Variants in ETV6 observed in about 807,000 individuals in gnomAD.
ETV6 encodes transcription factor ETV6.
A neutral mutation model predicts 51.1 loss-of-function variants in ETV6; 16 were observed. The ratio of observed to expected loss-of-function variants is 0.31; its 90% CI spans 0.21 to 0.48. ETV6 has a LOEUF of 0.48. ETV6 is among the 20% of genes least tolerant of loss of function. ETV6 has a pLI of 0.99. For missense variants in ETV6, 458 were observed against 594.8 expected (o/e 0.77, Z 2.39); for synonymous variants, 240 against 224.1 (o/e 1.07, Z -0.64).
chr12:11,716,943 A>C (rs890181985), intron 1 of ETV6, among the ~76,000 whole-genome samples: 2 of 152,186 alleles, frequency 1.3e-5, no homozygotes, highest in South Asian at 4.1e-4. Flanking sequence ...TCTTAGATCT[A>C]AAATCATTAG....
intron 7 of ETV6, among the ~76,000 whole-genome samples, chr12:11,889,673 C>T (rs548064369): frequency 9.2e-4 from 140 of 152,188 alleles, no homozygotes; most frequent in Non-Finnish European, 1.7e-3. Flanking sequence ...TATACAAGAG[C>T]CAAGACCGCT....
At position 11,879,066 on chromosome 12, in the gene ETV6, G is replaced by A. The variant is rs371191202; in HGVS notation, c.1010-5379G>A. On this transcript the variant is annotated intron_variant, in intron 5 of 7. Transcript: ENST00000396373. Reference sequence around the variant, plus strand: ...GATATTGCCACATGCCCCCAGTTCAGAACCATATTTGTAAAGCTTAGTAGC... The same window carrying A: ...GATATTGCCACATGCCCCCAGTTCAAAACCATATTTGTAAAGCTTAGTAGC... 6.6e-5 allele frequency among the ~76,000 whole-genome samples: 10 copies of A among 152,154 alleles called. No individual in the cohort carries two copies. In the East Asian group the frequency reaches 1.4e-3, roughly 21 times the overall value.
chr12:11,717,376 A>C (rs1865297261), intron 1 of ETV6, among the ~76,000 whole-genome samples: 1 of 152,192 alleles, frequency 6.6e-6, no homozygotes, highest in African/African-American at 2.4e-5. Flanking sequence ...CTTCCTGCTG[A>C]TTTCATGGTT....
chr12:11,704,766 C>T (rs1245705614), intron 1 of ETV6, among the ~76,000 whole-genome samples: 1 of 151,462 alleles, frequency 6.6e-6, no homozygotes, highest in African/African-American at 2.4e-5. Context: ...CAACCATTCT[C>T]ACAGGGGTTT....
At chr12:11,857,529 G>A (rs1946650054) in intron 4 of ETV6, among the ~76,000 whole-genome samples, 2 of 152,166 alleles carry the variant, frequency 1.3e-5, no homozygotes, top group South Asian at 4.1e-4. Context: ...TATGGGAAGG[G>A]AGGGTGATTT....
intron 1 of ETV6, among the ~76,000 whole-genome samples, chr12:11,718,075 TA>T (rs1277893852): frequency 1.3e-5 from 2 of 151,834 alleles, no homozygotes; most frequent in Non-Finnish European, 2.9e-5. Context: ...GAGATAGAAA[TA>T]AGGCCCATAA....
In ETV6 at chr12:11,852,787, G is replaced by A. The variant is rs116652236; in HGVS notation, c.329-640G>A. Among the ~76,000 whole-genome samples, 859 of 152,246 alleles carry A rather than the reference G, an allele frequency of 5.6e-3. 6 individuals are homozygous for A. The highest frequency in any genetic ancestry group is 0.019 in the African/African-American group (805 of 41,554). ...GAGGATACTCAACTATTAAAAGCCC[G>A]CTTCTAACTATAGAACTATAGATAG... is the stretch of plus-strand genomic sequence containing the variant. On this transcript the variant is annotated intron_variant, in intron 3 of 7. Coordinates refer to ENST00000396373, the MANE Select transcript of ETV6 (RefSeq NM_001987.5).
intron 1 of ETV6, among the ~76,000 whole-genome samples, chr12:11,702,516 C>T (rs186918465): frequency 3.3e-5 from 5 of 152,302 alleles, no homozygotes; most frequent in Admixed American, 3.3e-4. Context: ...TAGCTGGAGT[C>T]TAACTGTAAT....
At chr12:11,672,098 G>C (rs576791073) in intron 1 of ETV6, among the ~76,000 whole-genome samples, 4 of 151,960 alleles carry the variant, frequency 2.6e-5, no homozygotes, top group African/African-American at 9.7e-5. Context: ...GCACTCCAGT[G>C]GGGTGTTTCC....
intron 4 of ETV6, among the ~76,000 whole-genome samples, chr12:11,867,951 C>T (rs911116197): frequency 3.3e-5 from 5 of 152,164 alleles, no homozygotes; most frequent in African/African-American, 1.2e-4. Flanking sequence ...CGGTCCATTC[C>T]CCGACCCAGC....
At chr12:11,753,616 A>C (rs12816113) in intron 2 of ETV6, among the ~76,000 whole-genome samples, 19 of 152,178 alleles carry the variant, frequency 1.2e-4, no homozygotes, top group Non-Finnish European at 2.5e-4. Context: ...CCTCCTCAGA[A>C]GGTTGCTTTC....
At chr12:11,681,623 T>A (rs996372397) in intron 1 of ETV6, among the ~76,000 whole-genome samples, 1 of 152,208 alleles carries the variant, frequency 6.6e-6, no homozygotes, top group African/African-American at 2.4e-5. Flanking sequence ...GTGCAGAATG[T>A]GCAGGTTTGT....
At chr12:11,663,031 A>G (rs551401558) in intron 1 of ETV6, among the ~76,000 whole-genome samples, 1 of 152,364 alleles carries the variant, frequency 6.6e-6, no homozygotes, top group African/African-American at 2.4e-5. Context: ...GGTTTCTGTT[A>G]TACCATTTGC....
At chr12:11,705,473 T>C (rs1865057343) in intron 1 of ETV6, among the ~76,000 whole-genome samples, 1 of 152,206 alleles carries the variant, frequency 6.6e-6, no homozygotes, top group African/African-American at 2.4e-5. Context: ...ATTGGGATAA[T>C]GGAGCAATTT....
At chr12:11,776,642 A>G (rs1945330487) in intron 2 of ETV6, among the ~76,000 whole-genome samples, 1 of 152,234 alleles carries the variant, frequency 6.6e-6, no homozygotes, top group Non-Finnish European at 1.5e-5. Context: ...AACGTTCAGC[A>G]CTTCACATGG....
chr12:11,870,853 A>G (rs751697031), intron 5 of ETV6, among the ~76,000 whole-genome samples: 1 of 152,188 alleles, frequency 6.6e-6, no homozygotes, highest in African/African-American at 2.4e-5. Context: ...CCCATTTCCC[A>G]TTCATTTTAT....
chr12:11,718,731 G>C (rs1042498925), intron 1 of ETV6, among the ~76,000 whole-genome samples: 2 of 152,054 alleles, frequency 1.3e-5, no homozygotes, highest in Non-Finnish European at 2.9e-5. Context: ...GAGTGAGACT[G>C]TGTCTCAAAA....
chr12:11,791,488 T>G (rs1945590931), intron 2 of ETV6, among the ~76,000 whole-genome samples: 1 of 152,242 alleles, frequency 6.6e-6, no homozygotes. Context: ...TTTTTACCCT[T>G]AGACCAGTAC....
At chr12:11,699,106 G>A (rs934882569) in intron 1 of ETV6, among the ~76,000 whole-genome samples, 1 of 152,194 alleles carries the variant, frequency 6.6e-6, no homozygotes, top group African/African-American at 2.4e-5. Flanking sequence ...ATTGCAAAGG[G>A]ATAATTGTAA....
Sources: gnomAD v4.1 joint callset for allele counts (sites outside exome capture counted in the v4.1 genomes callset) on GRCh38, gnomAD v4.1.1 for gene constraint, MANE v1.5 for transcripts, NCBI Gene and HGNC (gene_info 2026-07-23, HGNC 2026-07-21) for gene names.